Variants in SI observed in about 807,000 individuals in gnomAD.
SI encodes sucrase-isomaltase, also known as sucrase-isomaltase, intestinal.
SI carries 235 observed loss-of-function variants against 253.3 expected under a neutral mutation model. The observed-to-expected ratio is 0.93, with a 90% CI of 0.83 to 1.03. SI has a LOEUF of 1.03. Ranked by LOEUF, SI falls within the 50% of genes least tolerant of loss-of-function variation. The pLI is 0.00. For missense variants in SI, 2,442 were observed against 2,211.1 expected, an observed-to-expected ratio of 1.10 and a Z score of -2.09; for synonymous variants, 819 against 712.0, an observed-to-expected ratio of 1.15 and a Z score of -2.39.
intron 35 of SI, among the ~76,000 whole-genome samples, chr3:165,008,577 TA>T (rs1718625204): frequency 6.6e-6 from 1 of 152,060 alleles, no homozygotes; most frequent in African/African-American, 2.4e-5. Flanking sequence ...CCTTATGGTA[TA>T]CCAATTGCTA....
intron 44 of SI, among the ~76,000 whole-genome samples, chr3:164,987,606 G>A (rs1248173130): frequency 1.3e-5 from 2 of 152,068 alleles, no homozygotes; most frequent in Non-Finnish European, 2.9e-5. Flanking sequence ...CTACTTGGGA[G>A]GCTGAGGCAG....
At chr3:165,004,353 A>G (rs1281257010) in intron 37 of SI, among the ~76,000 whole-genome samples, 1 of 152,168 alleles carries the variant, frequency 6.6e-6, no homozygotes, top group Non-Finnish European at 1.5e-5. Flanking sequence ...TGTTGGTAAG[A>G]ATGTAAATTC....
At chr3:165,077,428 TAGTC>T (rs1229097777) in intron 1 of SI, among the ~76,000 whole-genome samples, 1 of 151,764 alleles carries the variant, frequency 6.6e-6, no homozygotes, top group Non-Finnish European at 1.5e-5. Flanking sequence ...ATTATAAAAG[TAGTC>T]AGAGAATAAT....
chr3:165,055,020 TCTTA>T (rs1713627654), intron 13 of SI, among the ~76,000 whole-genome samples, 170 bp downstream of exon 13: 2 of 152,204 alleles, frequency 1.3e-5, no homozygotes, highest in African/African-American at 4.8e-5. Context: ...TGTTTTGTTT[TCTTA>T]CTTATGCACA....
Position 165,043,270 on chromosome 3 carries a change from T to C in SI, c.1888-95A>G, listed in dbSNP as rs1712942038. ...TGCCTCAACTGATGAATGTGCCTTATATACAATTTGTTTTACTCCTTTTAT... is the reference window on the plus strand; with the variant it reads ...TGCCTCAACTGATGAATGTGCCTTACATACAATTTGTTTTACTCCTTTTAT... On this transcript the variant is annotated intron_variant, in intron 16 of 47. Transcript: ENST00000264382. 10 of 812,576 alleles carry C rather than the reference T, an allele frequency of 1.2e-5. No homozygotes were observed. In the East Asian group the frequency reaches 1.9e-4, roughly 15 times the overall value. 50.3% of individuals were successfully genotyped at this position (812,576 alleles called of 1,614,324 possible).
At position 165,011,767 on chromosome 3, in the gene SI, TTTA is replaced by T. The variant is rs1264576336; in HGVS notation, c.4062+1210_4062+1212del. ...ATTTATTCATTATTGTTATTATTTA[TTTA>T]TTATTTATTATTATTATTTATTTAT... On this transcript the variant is annotated intron_variant, in intron 34 of 47. Coordinates refer to ENST00000264382, the MANE Select transcript of SI (RefSeq NM_001041.4). Among the ~76,000 whole-genome samples the T allele has an allele frequency of 2.0e-5, 3 of 148,690 alleles. No individual in the cohort carries two copies. In the East Asian group the frequency reaches 5.8e-4, roughly 29 times the overall value.
chr3:165,073,067 A>C (rs80117383), intron 3 of SI, among the ~76,000 whole-genome samples: 2,431 of 152,232 alleles, frequency 0.016, 68 homozygotes, highest in African/African-American at 0.055. Context: ...GACTAATATT[A>C]GGCAAGAAAA....
At chr3:165,051,992 A>G (rs1211094780) in intron 13 of SI, among the ~76,000 whole-genome samples, 1 of 152,086 alleles carries the variant, frequency 6.6e-6, no homozygotes, top group Non-Finnish European at 1.5e-5. Flanking sequence ...AATATAAATT[A>G]TTAACCTACT....
intron 21 of SI, 26 bp downstream of exon 21, chr3:165,037,874 T>A (rs756439986): frequency 5.3e-5 from 78 of 1,469,066 alleles, no homozygotes; most frequent in South Asian, 1.6e-4. Flanking sequence ...TTATTTTAGA[T>A]TTCAACTAAT....
At chr3:165,073,136 T>C (rs897481957) in intron 3 of SI, among the ~76,000 whole-genome samples, 3 of 151,644 alleles carry the variant, frequency 2.0e-5, no homozygotes, top group African/African-American at 7.3e-5. Flanking sequence ...ACCCATATTG[T>C]TCCTAATAGA....
chr3:164,982,438 A>G, intron 46 of SI, 28 bp from the exon 47 acceptor site: 1 of 1,542,880 alleles, frequency 6.5e-7, no homozygotes, highest in Non-Finnish European at 8.9e-7. Context: ...GGAATAACAT[A>G]AACACTTTAT....
In SI at chr3:165,041,987, G is replaced by A. The variant is rs187556434; in HGVS notation, c.2005-893C>T. 5.9e-5 allele frequency among the ~76,000 whole-genome samples: 9 copies of A among 152,080 alleles called. No individual in the cohort carries two copies. In the East Asian group the frequency reaches 1.4e-3, roughly 23 times the overall value. On this transcript the variant is annotated intron_variant, in intron 17 of 47. Coordinates refer to ENST00000264382, the MANE Select transcript of SI (RefSeq NM_001041.4). ...ACTTGGTTAGAACTAGGCGCAATTC[G>A]GGATTCTGCCTACCAAACCACCTTC...
intron 13 of SI, among the ~76,000 whole-genome samples, chr3:165,053,104 T>G (rs1431950139): frequency 1.3e-5 from 2 of 151,776 alleles, no homozygotes; most frequent in Non-Finnish European, 2.9e-5. Flanking sequence ...TTTGAAATCA[T>G]AGTTTTGGTC....
chr3:165,049,075 A>T, intron 15 of SI, 52 bp downstream of exon 15: 1 of 1,017,172 alleles, frequency 9.8e-7, no homozygotes, highest in South Asian at 1.3e-5. Context: ...ATTATCAAAA[A>T]CATTTTTAAG....
At chr3:165,068,882 C>T (rs376733873) in intron 4 of SI, 51 bp from the exon 5 acceptor site, 2 of 1,212,174 alleles carry the variant, frequency 1.6e-6, no homozygotes, top group Non-Finnish European at 2.4e-6. Flanking sequence ...ATAATGTTAA[C>T]AATTATTAAA....
chr3:165,004,320 G>A (rs992671783), intron 37 of SI, among the ~76,000 whole-genome samples: 3 of 152,122 alleles, frequency 2.0e-5, no homozygotes, highest in African/African-American at 7.2e-5. Context: ...TGAAGCTGTG[G>A]AGAAAAGGTA....
intron 34 of SI, among the ~76,000 whole-genome samples, chr3:165,012,457 C>G (rs1330645502): frequency 1.3e-5 from 2 of 152,052 alleles, no homozygotes; most frequent in Admixed American, 1.3e-4. Flanking sequence ...GAGATGGAGT[C>G]TCGCTCTGTC....
the SI span, among the ~76,000 whole-genome samples, chr3:165,084,504 A>T: frequency 0.59 from 88,947 of 151,530 alleles, 26,443 homozygotes; most frequent in East Asian, 0.81. Flanking sequence ...ATATGTAAAA[A>T]TTTTTTTCTG....
chr3:165,055,420 T>G, intron 12 of SI, 113 bp from the exon 13 acceptor site: 5 of 658,468 alleles, frequency 7.6e-6, no homozygotes, highest in Non-Finnish European at 1.1e-5. Context: ...TTCTACTTCT[T>G]TAGGTATATG....
Sources: allele counts gnomAD v4.1 joint callset (sites outside exome capture counted in the v4.1 genomes callset), GRCh38; gene constraint gnomAD v4.1.1; transcripts MANE v1.5; gene names NCBI Gene and HGNC (gene_info 2026-07-23, HGNC 2026-07-21).